The following MINDY4 variants were observed in gnomAD, a reference collection of about 807,000 sequenced individuals.
The protein encoded by MINDY4 is probable ubiquitin carboxyl-terminal hydrolase MINDY-4.
In MINDY4, 68 loss-of-function variants were observed where a neutral mutation model predicts 87.0. That is an observed-to-expected ratio of 0.78 (90% confidence interval 0.64 to 0.96). The LOEUF is 0.96. Among genes scored for constraint, MINDY4 ranks in the 40% least tolerant of loss-of-function variants. The pLI, the probability that MINDY4 is intolerant of heterozygous loss-of-function variation, is 0.00. For missense variants in MINDY4, 919 were observed against 928.2 expected (o/e 0.99, Z 0.13); for synonymous variants, 379 against 363.2 (o/e 1.04, Z -0.50).
intron 5 of MINDY4, among the ~76,000 whole-genome samples, chr7:30,795,443 C>A (rs975504819): frequency 6.6e-6 from 1 of 152,178 alleles, no homozygotes; most frequent in Admixed American, 6.5e-5. Context: ...AACCATGGAG[C>A]CGTGGGATCC....
chr7:30,844,480 G>A (rs1028304781), intron 9 of MINDY4, among the ~76,000 whole-genome samples: 5 of 151,826 alleles, frequency 3.3e-5, no homozygotes, highest in Non-Finnish European at 7.4e-5. Context: ...GCCTCAGGTC[G>A]CAGGTAGATA....
intron 5 of MINDY4, among the ~76,000 whole-genome samples, chr7:30,814,140 A>G (rs1788083720): frequency 6.6e-6 from 1 of 152,200 alleles, no homozygotes; most frequent in Non-Finnish European, 1.5e-5. Flanking sequence ...AATCTGAGTG[A>G]CCTCTTTAAG....
chr7:30,810,713 GT>G (rs909026790), intron 5 of MINDY4, among the ~76,000 whole-genome samples: 3 of 152,014 alleles, frequency 2.0e-5, no homozygotes, highest in African/African-American at 7.2e-5. Flanking sequence ...TGTATACAAA[GT>G]TTTATTAAAA....
At chr7:30,857,204 C>T (rs1789600065) in intron 12 of MINDY4, among the ~76,000 whole-genome samples, 1 of 152,192 alleles carries the variant, frequency 6.6e-6, no homozygotes, top group African/African-American at 2.4e-5. Flanking sequence ...GCACGTGCTT[C>T]TCCTTTTGGA....
intron 15 of MINDY4, among the ~76,000 whole-genome samples, chr7:30,876,443 G>A (rs1394503395): frequency 6.6e-6 from 1 of 152,190 alleles, no homozygotes; most frequent in Non-Finnish European, 1.5e-5. Flanking sequence ...TGGAGGCACA[G>A]TTCAACCCAT....
chr7:30,785,809 C>G lies in MINDY4; in HGVS notation c.480C>G (p.His160Gln). Residue 160 changes from histidine (H) to glutamine (Q), a missense_variant, in exon 4 of 18, where the codon CAC (histidine) becomes CAG (glutamine). Coordinates refer to ENST00000265299, the MANE Select transcript of MINDY4 (RefSeq NM_032222.3). ...TTGTATCATCTAAAAGGCCCCCGCACAAAAGTAAGCCCATGCAGACGGTCC... is the reference window on the plus strand; with the variant it reads ...TTGTATCATCTAAAAGGCCCCCGCAGAAAAGTAAGCCCATGCAGACGGTCC... ...GNFVSSKRPP[H>Q]KSKPMQTVPG... 1 of 1,614,190 alleles carries G rather than the reference C, an allele frequency of 6.2e-7. No individual in the cohort carries two copies. Among genetic ancestry groups the G allele is most frequent in the Non-Finnish European group, 8.5e-7 (1 of 1,180,026 alleles).
chr7:30,882,140 C>T (rs369055721), intron 15 of MINDY4, 41 bp from the exon 16 acceptor site: 9 of 1,557,190 alleles, frequency 5.8e-6, no homozygotes, highest in Admixed American at 1.8e-5. Context: ...GACCCCTTTC[C>T]CTGGGGACGG....
chr7:30,834,001 G>A (rs1031657473), intron 6 of MINDY4, among the ~76,000 whole-genome samples: 6 of 152,358 alleles, frequency 3.9e-5, no homozygotes, highest in African/African-American at 1.4e-4. Context: ...GCTTTCATGG[G>A]CTGGTGTTGA....
In MINDY4 at chr7:30,785,774, C is replaced by G; in HGVS notation, c.445C>G (p.Leu149Val). Residue 149 changes from leucine (L) to valine (V), a missense_variant, in exon 4 of 18, where the codon CTT becomes GTT. Leu to Val is a conservative substitution (Grantham distance 32, BLOSUM62 1). Transcript: ENST00000265299. ...ARHDNLDGDV[L>V]GNFVSSKRPP... ...ACATGACAATCTTGATGGAGATGTA[C>G]TTGGTAATTTTGTATCATCTAAAAG... 6.2e-7 allele frequency: 1 copy of G among 1,614,126 alleles called. No individual in the cohort carries two copies. Among genetic ancestry groups the G allele is most frequent in the Non-Finnish European group, 8.5e-7 (1 of 1,180,026 alleles).
At chr7:30,809,381 A>G (rs1274310717) in intron 5 of MINDY4, among the ~76,000 whole-genome samples, 1 of 151,406 alleles carries the variant, frequency 6.6e-6, no homozygotes, top group Admixed American at 6.6e-5. Flanking sequence ...CTAAGGAAAA[A>G]AAAAAAAAAA....
Position 30,820,355 on chromosome 7 carries a change from C to A in MINDY4, c.1074-8324C>A, listed in dbSNP as rs187068766. 1.3e-3 allele frequency among the ~76,000 whole-genome samples: 199 copies of A among 151,134 alleles called. 2 individuals carry two copies. The highest frequency in any genetic ancestry group is 4.7e-3 in the African/African-American group (195 of 41,108). Reference sequence around the variant, plus strand: ...GCCACATTTTTTCTTTATATAATTTCTCCTCTTTTCTTGCTTTCTTATTTT... The same window carrying A: ...GCCACATTTTTTCTTTATATAATTTATCCTCTTTTCTTGCTTTCTTATTTT... On this transcript the variant is annotated intron_variant, in intron 5 of 17. Coordinates refer to ENST00000265299, the MANE Select transcript of MINDY4 (RefSeq NM_032222.3).
chr7:30,801,902 C>T (rs188179506), intron 5 of MINDY4, among the ~76,000 whole-genome samples: 2 of 152,206 alleles, frequency 1.3e-5, no homozygotes, highest in Non-Finnish European at 2.9e-5. Flanking sequence ...CATCTGTGGA[C>T]ATCAGCATGG....
At chr7:30,812,631 C>G (rs1047640919) in intron 5 of MINDY4, among the ~76,000 whole-genome samples, 22 of 152,198 alleles carry the variant, frequency 1.4e-4, no homozygotes, top group Non-Finnish European at 2.9e-4. Flanking sequence ...CATCCGCAAG[C>G]TCTTGCACTC....
intron 9 of MINDY4, among the ~76,000 whole-genome samples, chr7:30,847,067 G>T (rs1789243427): frequency 6.6e-6 from 1 of 152,122 alleles, no homozygotes; most frequent in Admixed American, 6.5e-5. Context: ...GATGCTTTGG[G>T]GGCATCTGAC....
intron 7 of MINDY4, among the ~76,000 whole-genome samples, chr7:30,837,555 C>A (rs911375133): frequency 3.9e-4 from 60 of 152,212 alleles, no homozygotes; most frequent in Non-Finnish European, 7.3e-5. Flanking sequence ...TCTCATATCT[C>A]CCCCTTCTTC....
chr7:30,796,145 G>C (rs1787482073), intron 5 of MINDY4, among the ~76,000 whole-genome samples: 1 of 151,514 alleles, frequency 6.6e-6, no homozygotes, highest in South Asian at 2.1e-4. Flanking sequence ...GTCTCACTAT[G>C]GTTTTTAAAA....
intron 5 of MINDY4, among the ~76,000 whole-genome samples, chr7:30,823,851 C>T (rs955181023): frequency 5.3e-5 from 8 of 152,142 alleles, no homozygotes; most frequent in African/African-American, 1.9e-4. Flanking sequence ...AAACTTCTCT[C>T]TTCTAGGGAA....
At position 30,779,621 on chromosome 7, in the gene MINDY4, C is replaced by T. The variant is rs79738850; in HGVS notation, c.183+1070C>T. On this transcript the variant is annotated intron_variant, in intron 2 of 17. Transcript: ENST00000265299. ...GCTTTATCGTCTAGCCTCTCAGCGT[C>T]CAGCTTTAAACCACTGATCAATTCC... 2.6e-5 allele frequency: 4 copies of T among 152,336 alleles called. No individual in the cohort carries two copies. In the East Asian group the frequency reaches 7.7e-4, roughly 29 times the overall value. 9.4% of individuals were successfully genotyped at this position (152,336 alleles called of 1,614,324 possible). A position where few individuals can be genotyped will look rare whatever the true frequency, so the allele number is the denominator to read the frequency against.
chr7:30,825,727 A>G (rs926376459), intron 5 of MINDY4, among the ~76,000 whole-genome samples: 12 of 152,210 alleles, frequency 7.9e-5, no homozygotes, highest in Admixed American at 7.8e-4. Context: ...TACATGCTGG[A>G]CACCTGGGAT....
Sources: allele counts gnomAD v4.1 joint callset (sites outside exome capture counted in the v4.1 genomes callset), GRCh38; gene constraint gnomAD v4.1.1; transcripts MANE v1.5; gene names NCBI Gene and HGNC (gene_info 2026-07-23, HGNC 2026-07-21).